The following CDYL2 variants were observed in gnomAD, a reference collection of about 807,000 sequenced individuals.
The protein encoded by CDYL2 is chromodomain Y like 2, also known as chromodomain Y-like protein 2.
Under a neutral mutation model 49.4 loss-of-function variants are expected in CDYL2, and 23 were observed. The ratio of observed to expected loss-of-function variants is 0.47; its 90% CI spans 0.34 to 0.66. The LOEUF is 0.66. CDYL2 is among the 30% of genes least tolerant of loss of function. CDYL2 has a pLI of 0.01. For synonymous variants in CDYL2, 360 were observed against 268.8 expected, an observed-to-expected ratio of 1.34 and a Z score of -3.32; for missense variants, 678 against 656.4, an observed-to-expected ratio of 1.03 and a Z score of -0.36.
chr16:80,781,046 C>A (rs1292458385), intron 1 of CDYL2, among the ~76,000 whole-genome samples: 1 of 152,086 alleles, frequency 6.6e-6, no homozygotes, highest in Non-Finnish European at 1.5e-5. Flanking sequence ...GTGGTAAAGC[C>A]CAGAAATAAT....
chr16:80,702,401 A>G (rs1031906428), intron 1 of CDYL2, among the ~76,000 whole-genome samples: 3 of 152,150 alleles, frequency 2.0e-5, no homozygotes, highest in African/African-American at 7.2e-5. Flanking sequence ...AGTGGCATGA[A>G]GTAAAATAGT....
chr16:80,793,898 G>C (rs1026114391), intron 1 of CDYL2, among the ~76,000 whole-genome samples: 3 of 152,076 alleles, frequency 2.0e-5, no homozygotes, highest in Admixed American at 1.3e-4. Flanking sequence ...CTGCCTTCCC[G>C]TAACAGTCTC....
At chr16:80,701,576 T>A (rs1330525785) in intron 1 of CDYL2, among the ~76,000 whole-genome samples, 3 of 152,168 alleles carry the variant, frequency 2.0e-5, no homozygotes, top group Non-Finnish European at 4.4e-5. Context: ...ATTGCAAACG[T>A]TAACTTTCAC....
At chr16:80,644,009 G>C (rs1468846846) in intron 2 of CDYL2, among the ~76,000 whole-genome samples, 1 of 152,148 alleles carries the variant, frequency 6.6e-6, no homozygotes, top group Non-Finnish European at 1.5e-5. Context: ...CACATTGTCA[G>C]GCTACAAATT....
chr16:80,668,381 T>C (rs1322640754), intron 2 of CDYL2, among the ~76,000 whole-genome samples: 1 of 152,084 alleles, frequency 6.6e-6, no homozygotes, highest in Non-Finnish European at 1.5e-5. Flanking sequence ...TATACCTACA[T>C]ACATGGAGAG....
At chr16:80,771,921 A>G (rs1219909941) in intron 1 of CDYL2, among the ~76,000 whole-genome samples, 2 of 152,188 alleles carry the variant, frequency 1.3e-5, no homozygotes, top group East Asian at 3.9e-4. Flanking sequence ...CAAAGAGGAT[A>G]CAGTGATGGA....
Position 80,633,177 on chromosome 16 carries a change from C to A in CDYL2, c.676G>T (p.Ala226Ser). The change falls in exon 3 of 7, where the codon GCG becomes TCG. Residue 226 changes from alanine to serine, a missense_variant. This residue lies in a region of CDYL2 where 478 missense variants were observed against 427.0 expected (regional missense o/e 1.12). Coordinates refer to ENST00000570137, the MANE Select transcript of CDYL2 (RefSeq NM_152342.4). ...TTGTCAAAGACGTAGTCCTTCTCCG[C>A]TTCCAGCTTCCTCTTCACTGGACTG... ...LHSPVKRKLE[A>S]EKDYVFDKRL... 1 of 1,614,238 alleles carries A rather than the reference C, an allele frequency of 6.2e-7. No homozygotes were observed.
At chr16:80,647,041 C>T (rs1567554677) in intron 2 of CDYL2, among the ~76,000 whole-genome samples, 1 of 152,068 alleles carries the variant, frequency 6.6e-6, no homozygotes, top group African/African-American at 2.4e-5. Flanking sequence ...ACACAAAAAT[C>T]AATAGCATTT....
At chr16:80,607,650 T>C (rs1906400836) in intron 6 of CDYL2, among the ~76,000 whole-genome samples, 1 of 152,264 alleles carries the variant, frequency 6.6e-6, no homozygotes, top group Admixed American at 6.5e-5. Context: ...CAGTGACATT[T>C]AAATGTGACG....
intron 1 of CDYL2, among the ~76,000 whole-genome samples, chr16:80,731,015 T>C (rs1196898697): frequency 1.3e-5 from 2 of 152,166 alleles, no homozygotes; most frequent in Non-Finnish European, 2.9e-5. Flanking sequence ...ATGATAGATA[T>C]GTTCATTAGA....
At chr16:80,804,880 G>A (rs1048745653), upstream of CDYL2, among the ~76,000 whole-genome samples, 12 of 150,906 alleles carry the variant, frequency 8.0e-5, no homozygotes, top group Admixed American at 2.6e-4. Flanking sequence ...GCCGAGCCCC[G>A]CCGGCCCGGG....
intron 1 of CDYL2, among the ~76,000 whole-genome samples, chr16:80,780,935 A>T (rs1321789457): frequency 6.6e-6 from 1 of 152,208 alleles, no homozygotes; most frequent in African/African-American, 2.4e-5. Flanking sequence ...GTTCAAAAAA[A>T]TGGCTCAATC....
chr16:80,791,847 G>C (rs911875135), intron 1 of CDYL2, among the ~76,000 whole-genome samples: 10 of 152,156 alleles, frequency 6.6e-5, no homozygotes, highest in Admixed American at 2.6e-4. Context: ...AATGGACATT[G>C]TTGAAAGACT....
chr16:80,775,792 A>T (rs1277622190), intron 1 of CDYL2, among the ~76,000 whole-genome samples: 1 of 151,728 alleles, frequency 6.6e-6, no homozygotes, highest in Admixed American at 6.6e-5. Flanking sequence ...AACGATCTAC[A>T]GAATTTACTT....
intron 2 of CDYL2, among the ~76,000 whole-genome samples, chr16:80,642,447 A>T (rs555626164): frequency 7.5e-4 from 114 of 152,294 alleles, no homozygotes; most frequent in African/African-American, 2.6e-3. Context: ...CATCTAAAAA[A>T]AATTATATAT....
chr16:80,795,375 C>A (rs1201045440), intron 1 of CDYL2, among the ~76,000 whole-genome samples: 1 of 152,096 alleles, frequency 6.6e-6, no homozygotes, highest in Non-Finnish European at 1.5e-5. Flanking sequence ...CAGCGGTGGC[C>A]TTTATAAGAG....
At chr16:80,694,525 T>C (rs1910545259) in intron 1 of CDYL2, among the ~76,000 whole-genome samples, 1 of 152,130 alleles carries the variant, frequency 6.6e-6, no homozygotes, top group Non-Finnish European at 1.5e-5. Flanking sequence ...AAGGAGAAGA[T>C]TAGAATAAAC....
chr16:80,759,126 ATATATATATATATGGTT>A (rs1906434417), intron 1 of CDYL2, among the ~76,000 whole-genome samples: 1 of 133,994 alleles, frequency 7.5e-6, no homozygotes, highest in African/African-American at 2.9e-5. Context: ...ATATATATAT[ATATATATATATATGGTT>A]TATATAAATA....
chr16:80,757,556 A>ATC lies in CDYL2; in HGVS notation c.24+46593_24+46594insGA, dbSNP rs1291652970. On this transcript the variant is annotated intron_variant, in intron 1 of 6. Transcript: ENST00000570137. The stretch of plus-strand genomic sequence containing the variant: ...TCTGTCTCAAAAAAAAAAAAAAAAT[A>ATC]TATATATATATACACACACACATAT... 5.4e-3 allele frequency among the ~76,000 whole-genome samples: 798 copies of ATC among 147,738 alleles called. 8 individuals carry two copies. Among genetic ancestry groups the ATC allele is most frequent in the African/African-American group, 0.019 (767 of 39,600 alleles).
Sources: allele counts gnomAD v4.1 joint callset (sites outside exome capture counted in the v4.1 genomes callset), GRCh38; gene constraint gnomAD v4.1.1; regional missense constraint gnomAD v4.1.1; transcripts MANE v1.5; gene names NCBI Gene and HGNC (gene_info 2026-07-23, HGNC 2026-07-21).